The following CCDC91 variants were observed in gnomAD, a reference collection of about 807,000 sequenced individuals.
The protein encoded by CCDC91 is coiled-coil domain containing 91.
CCDC91 carries 48 observed loss-of-function variants against 63.2 expected under a neutral mutation model. The observed-to-expected ratio is 0.76, with a 90% confidence interval of 0.60 to 0.97. The LOEUF (loss-of-function observed/expected upper bound fraction) is 0.97, where lower values mean the gene tolerates loss of function less well. Among genes scored for constraint, CCDC91 ranks in the 50% least tolerant of loss-of-function variants. The pLI is 0.00. For synonymous variants in CCDC91, 167 were observed against 165.8 expected (o/e 1.01, Z -0.06); for missense variants, 500 against 494.6 (o/e 1.01, Z -0.10).
At chr12:28,467,045 G>A (rs902446671) in intron 11 of CCDC91, among the ~76,000 whole-genome samples, 3 of 151,946 alleles carry the variant, frequency 2.0e-5, no homozygotes, top group African/African-American at 4.8e-5. Flanking sequence ...AAAATAACGG[G>A]TACTAAGATA....
In CCDC91 at chr12:28,447,788, G is replaced by A. The variant is rs1211017206; in HGVS notation, c.763-2373G>A. ...AAGGGAAGGGCAGGGCAGGGCAGGGGAGGGGAGGGGAGGGGAGGGGAGGGA... is the reference window on the plus strand; with the variant it reads ...AAGGGAAGGGCAGGGCAGGGCAGGGAAGGGGAGGGGAGGGGAGGGGAGGGA... On this transcript the variant is annotated intron_variant, in intron 8 of 12. Coordinates refer to ENST00000536442, the MANE Select transcript of CCDC91 (RefSeq NM_018318.5). Among the ~76,000 whole-genome samples the A allele has an allele frequency of 3.6e-4, 6 of 16,666 alleles. No individual in the cohort carries two copies. In the East Asian group the frequency reaches 0.015, roughly 41 times the overall value. 10.9% of individuals were successfully genotyped at this position (16,666 alleles called of 152,430 possible).
At chr12:28,214,102 A>G (rs963001271) in intron 1 of CCDC91, among the ~76,000 whole-genome samples, 44 of 152,264 alleles carry the variant, frequency 2.9e-4, no homozygotes, top group African/African-American at 9.9e-4. Flanking sequence ...TTGATGACCT[A>G]GAGATCTTAG....
At chr12:28,413,689 C>T (rs557463215) in intron 8 of CCDC91, among the ~76,000 whole-genome samples, 1 of 152,296 alleles carries the variant, frequency 6.6e-6, no homozygotes, top group East Asian at 1.9e-4. Flanking sequence ...TTGCTCCTCC[C>T]ACAGGGAACC....
chr12:28,268,228 T>A (rs964798123), intron 3 of CCDC91, among the ~76,000 whole-genome samples: 9 of 151,214 alleles, frequency 6.0e-5, no homozygotes, highest in African/African-American at 2.2e-4. Flanking sequence ...CATGCCCAGC[T>A]AATGTTTTGT....
At chr12:28,222,553 T>A (rs1002854535) in intron 1 of CCDC91, among the ~76,000 whole-genome samples, 2 of 152,122 alleles carry the variant, frequency 1.3e-5, no homozygotes, top group African/African-American at 4.8e-5. Flanking sequence ...AGGCATTTCT[T>A]ACTTCTGTAT....
chr12:28,429,519 C>T (rs1330750987), intron 8 of CCDC91, among the ~76,000 whole-genome samples: 1 of 151,876 alleles, frequency 6.6e-6, no homozygotes, highest in Non-Finnish European at 1.5e-5. Flanking sequence ...ATATAATAAA[C>T]AATACATTCG....
chr12:28,539,897 G>A (rs1054956614), intron 12 of CCDC91, among the ~76,000 whole-genome samples: 1 of 152,068 alleles, frequency 6.6e-6, no homozygotes, highest in African/African-American at 2.4e-5. Context: ...TGAATGATGA[G>A]GAAGAGCAGC....
intron 6 of CCDC91, among the ~76,000 whole-genome samples, chr12:28,324,148 G>C (rs776823897): frequency 1.3e-5 from 2 of 151,782 alleles, no homozygotes; most frequent in Non-Finnish European, 2.9e-5. Context: ...AGTTGGAGGA[G>C]AGGGAGAGAT....
intron 6 of CCDC91, among the ~76,000 whole-genome samples, chr12:28,355,769 T>C (rs958667140): frequency 6.6e-6 from 1 of 152,166 alleles, no homozygotes; most frequent in Non-Finnish European, 1.5e-5. Flanking sequence ...TTAATCCTGT[T>C]TCTGATTGAG....
intron 1 of CCDC91, among the ~76,000 whole-genome samples, chr12:28,201,412 C>T (rs60225147): frequency 7.3e-6 from 1 of 137,108 alleles, no homozygotes; most frequent in African/African-American, 2.6e-5. Flanking sequence ...AGAGGCTCTC[C>T]CCACATCTCA....
At chr12:28,476,786 A>G (rs987659055) in intron 11 of CCDC91, among the ~76,000 whole-genome samples, 2 of 152,132 alleles carry the variant, frequency 1.3e-5, no homozygotes, top group African/African-American at 2.4e-5. Flanking sequence ...GATAAAGGGG[A>G]TACCACCACC....
chr12:28,315,134 TTTAC>T (rs1459431649), intron 6 of CCDC91, among the ~76,000 whole-genome samples: 2 of 149,182 alleles, frequency 1.3e-5, no homozygotes, highest in Non-Finnish European at 3.0e-5. Flanking sequence ...TTAAGGGTAT[TTTAC>T]TTAATGTGTC....
At chr12:28,503,237 G>GA (rs910185688) in intron 12 of CCDC91, among the ~76,000 whole-genome samples, 3 of 151,470 alleles carry the variant, frequency 2.0e-5, no homozygotes, top group South Asian at 2.1e-4. Context: ...AAATTTACAA[G>GA]AAAAAAAACA....
At chr12:28,485,190 G>A (rs1592813824) in intron 12 of CCDC91, among the ~76,000 whole-genome samples, 1 of 150,224 alleles carries the variant, frequency 6.7e-6, no homozygotes, top group East Asian at 1.9e-4. Flanking sequence ...ACAGAGGCTT[G>A]CTCTGTTGCC....
intron 1 of CCDC91, among the ~76,000 whole-genome samples, chr12:28,208,006 G>C (rs551440617): frequency 6.6e-6 from 1 of 152,058 alleles, no homozygotes; most frequent in Non-Finnish European, 1.5e-5. Context: ...TATTTCCTTG[G>C]TATTTAATTA....
At chr12:28,341,884 G>GAA (rs1256381189) in intron 6 of CCDC91, among the ~76,000 whole-genome samples, 1 of 152,170 alleles carries the variant, frequency 6.6e-6, no homozygotes, top group Non-Finnish European at 1.5e-5. Flanking sequence ...TCAGGACTAA[G>GAA]AAAAGACTGT....
intron 12 of CCDC91, among the ~76,000 whole-genome samples, chr12:28,547,291 AT>A (rs1238637514): frequency 6.6e-6 from 1 of 152,148 alleles, no homozygotes; most frequent in Non-Finnish European, 1.5e-5. Flanking sequence ...TTTTACATAT[AT>A]TAAAATGAAA....
chr12:28,442,521 G>C (rs549346529), intron 8 of CCDC91, among the ~76,000 whole-genome samples: 1 of 152,088 alleles, frequency 6.6e-6, no homozygotes, highest in Non-Finnish European at 1.5e-5. Flanking sequence ...TAATAAAACT[G>C]TTCTAGATTT....
intron 11 of CCDC91, among the ~76,000 whole-genome samples, chr12:28,465,726 G>A (rs912189085): frequency 1.3e-5 from 2 of 152,050 alleles, no homozygotes; most frequent in African/African-American, 4.8e-5. Context: ...AGACTGCAAA[G>A]AATAAAATAA....
Sources: gnomAD v4.1 joint callset for allele counts (sites outside exome capture counted in the v4.1 genomes callset) on GRCh38, gnomAD v4.1.1 for gene constraint, MANE v1.5 for transcripts, NCBI Gene and HGNC (gene_info 2026-07-23, HGNC 2026-07-21) for gene names.